Variants in WDR7 observed in about 807,000 individuals in gnomAD.
WDR7 encodes WD repeat domain 7, also known as WD repeat-containing protein 7.
A neutral mutation model predicts 169.4 loss-of-function variants in WDR7; 46 were observed. That is an observed-to-expected ratio of 0.27 (90% CI 0.21 to 0.35). The LOEUF (loss-of-function observed/expected upper bound fraction) is 0.35, where lower values mean the gene tolerates loss of function less well. Ranked by LOEUF, WDR7 falls within the 10% of genes least tolerant of loss-of-function variation. The probability of loss-of-function intolerance (pLI) is 1.00; values close to 1 mark genes in which losing one functional copy is unlikely to be tolerated. For missense variants in WDR7, 1,534 were observed against 1,859.3 expected (o/e 0.83, Z 3.22); for synonymous variants, 612 against 666.8 (o/e 0.92, Z 1.27).
chr18:56,900,565 G>A (rs1242549591), intron 21 of WDR7, among the ~76,000 whole-genome samples: 4 of 152,156 alleles, frequency 2.6e-5, no homozygotes, highest in African/African-American at 4.8e-5. Context: ...TCTAGGGTGC[G>A]GAAGAGTGGA....
At chr18:56,719,836 G>T (rs937522794) in intron 13 of WDR7, among the ~76,000 whole-genome samples, 1 of 152,044 alleles carries the variant, frequency 6.6e-6, no homozygotes, top group African/African-American at 2.4e-5. Flanking sequence ...TAAAATTAGG[G>T]TAATAATATT....
At chr18:56,934,989 A>G (rs1034171578) in intron 22 of WDR7, among the ~76,000 whole-genome samples, 7 of 152,330 alleles carry the variant, frequency 4.6e-5, no homozygotes, top group Non-Finnish European at 8.8e-5. Flanking sequence ...TATAATATAA[A>G]GGAAGCTTGG....
chr18:56,738,503 AG>A (rs1405290960), intron 14 of WDR7, among the ~76,000 whole-genome samples: 3 of 152,136 alleles, frequency 2.0e-5, no homozygotes, highest in Non-Finnish European at 4.4e-5. Flanking sequence ...GGCTGCATTG[AG>A]CTGAGATCAT....
intron 25 of WDR7, among the ~76,000 whole-genome samples, chr18:56,951,767 G>T (rs1016232618): frequency 3.3e-5 from 5 of 151,824 alleles, no homozygotes; most frequent in Non-Finnish European, 7.4e-5. Flanking sequence ...TATATAGTCT[G>T]CTTTTTCAAA....
At chr18:56,734,583 C>G (rs537028328) in intron 14 of WDR7, among the ~76,000 whole-genome samples, 1 of 151,390 alleles carries the variant, frequency 6.6e-6, no homozygotes, top group African/African-American at 2.4e-5. Flanking sequence ...TCCTATCCCT[C>G]TTTTCCCTTC....
At chr18:56,762,707 G>C (rs1454379103) in intron 16 of WDR7, among the ~76,000 whole-genome samples, 1 of 151,816 alleles carries the variant, frequency 6.6e-6, no homozygotes, top group Non-Finnish European at 1.5e-5. Flanking sequence ...ACCTCAATTT[G>C]ACTTTATCCT....
At chr18:56,661,557 C>T (rs1326818389) in intron 1 of WDR7, among the ~76,000 whole-genome samples, 1 of 151,918 alleles carries the variant, frequency 6.6e-6, no homozygotes, top group Non-Finnish European at 1.5e-5. Flanking sequence ...TCTGCTCATT[C>T]CACATGTTCC....
Position 56,691,325 on chromosome 18 carries a change from A to G in WDR7, c.827A>G (p.Glu276Gly). 1 of 1,599,302 alleles carries G rather than the reference A, an allele frequency of 6.3e-7. No homozygotes were observed. Among genetic ancestry groups the G allele is most frequent in the Non-Finnish European group, 8.5e-7 (1 of 1,177,004 alleles). ...VSSDKVIIWT[E>G]NGQSYIYKLP... ...TCAGATAAAGTCATCATTTGGACAG[A>G]AAATGGGCAAAGTTATATTTACAAA... is the stretch of plus-strand genomic sequence containing the variant. The change falls in exon 8 of 28, where the codon GAA becomes GGA. Residue 276 changes from glutamate (E) to glycine (G), a missense_variant. Coordinates refer to ENST00000254442, the MANE Select transcript of WDR7 (RefSeq NM_015285.3).
At chr18:56,832,222 C>T (rs1043316673) in intron 20 of WDR7, among the ~76,000 whole-genome samples, 12 of 152,186 alleles carry the variant, frequency 7.9e-5, no homozygotes, top group Admixed American at 2.0e-4. Flanking sequence ...ACAAAGCTTC[C>T]GGAAGCTTGG....
At chr18:56,758,285 T>C (rs2043929403) in intron 15 of WDR7, among the ~76,000 whole-genome samples, 1 of 152,224 alleles carries the variant, frequency 6.6e-6, no homozygotes, top group African/African-American at 2.4e-5. Context: ...GTAAGTACTT[T>C]ATAAAAACTA....
chr18:56,856,294 G>A (rs1162487500), intron 20 of WDR7, among the ~76,000 whole-genome samples: 3 of 152,180 alleles, frequency 2.0e-5, no homozygotes, highest in African/African-American at 7.2e-5. Context: ...AGCACTTTGG[G>A]AGGCCAAGGC....
chr18:56,882,958 C>T (rs1476205266), intron 21 of WDR7, among the ~76,000 whole-genome samples: 1 of 152,112 alleles, frequency 6.6e-6, no homozygotes, highest in Non-Finnish European at 1.5e-5. Flanking sequence ...CGCGGTGGCT[C>T]ACACCTGTAA....
At chr18:56,837,057 TG>T (rs1451268449) in intron 20 of WDR7, among the ~76,000 whole-genome samples, 1 of 152,220 alleles carries the variant, frequency 6.6e-6, no homozygotes, top group Non-Finnish European at 1.5e-5. Context: ...GAATGACAGA[TG>T]TCAGTGCAGT....
chr18:57,009,035 A>G (rs1599242609), intron 26 of WDR7, among the ~76,000 whole-genome samples: 1 of 86,220 alleles, frequency 1.2e-5, no homozygotes, highest in Non-Finnish European at 3.1e-5. Context: ...TAGTCTAAGT[A>G]TAAGTCAGAG....
chr18:56,667,821 A>G (rs1379818916), intron 1 of WDR7, among the ~76,000 whole-genome samples: 1 of 152,172 alleles, frequency 6.6e-6, no homozygotes, highest in African/African-American at 2.4e-5. Context: ...TATTAGTACT[A>G]TTCTCACCAT....
At chr18:56,665,717 A>G (rs2025005536) in intron 1 of WDR7, among the ~76,000 whole-genome samples, 1 of 151,732 alleles carries the variant, frequency 6.6e-6, no homozygotes. Flanking sequence ...GAACAGTATA[A>G]TGCACACTCT....
chr18:56,875,589 A>G (rs7232638), intron 20 of WDR7, among the ~76,000 whole-genome samples: 11,759 of 152,026 alleles, frequency 0.077, 1,528 homozygotes, highest in African/African-American at 0.27. Context: ...TCTCCTCTAG[A>G]GTTATAGAGT....
chr18:56,769,316 G>A (rs2044116936), intron 16 of WDR7, among the ~76,000 whole-genome samples: 1 of 151,386 alleles, frequency 6.6e-6, no homozygotes. Context: ...ACTTCCAGTC[G>A]AGGCTCTTGA....
rs117735447 is a variant in WDR7 at position 56,727,882 on chromosome 18, T to C, written c.1775-3501T>C. Among the ~76,000 whole-genome samples the C allele has an allele frequency of 3.4e-3, 521 of 152,336 alleles. 2 individuals carry two copies. The highest frequency in any genetic ancestry group is 5.5e-3 in the Non-Finnish European group (376 of 68,032). On this transcript the variant is annotated intron_variant, in intron 13 of 27. Transcript: ENST00000254442. ...TAATCTTCAGACTTTATTCCAACTT[T>C]TCCAGTTGTTCCACTACAGTCTTTT... is the stretch of plus-strand genomic sequence containing the variant.
Sources: allele counts gnomAD v4.1 joint callset (sites outside exome capture counted in the v4.1 genomes callset), GRCh38; gene constraint gnomAD v4.1.1; transcripts MANE v1.5; gene names NCBI Gene and HGNC (gene_info 2026-07-23, HGNC 2026-07-21).